SHANK2: variants seen among roughly 807,000 people sequenced by gnomAD.
SHANK2 encodes SH3 and multiple ankyrin repeat domains 2.
Under a neutral mutation model 133.7 loss-of-function variants are expected in SHANK2, and 43 were observed. The ratio of observed to expected loss-of-function variants is 0.32; its 90% CI spans 0.25 to 0.41. The LOEUF is 0.41. Among genes scored for constraint, SHANK2 ranks in the 10% least tolerant of loss-of-function variants. The pLI is 1.00. For synonymous variants in SHANK2, 1,017 were observed against 952.8 expected, an observed-to-expected ratio of 1.07 and a Z score of -1.24; for missense variants, 1,994 against 2,235.8, an observed-to-expected ratio of 0.89 and a Z score of 2.18.
At chr11:70,955,458 T>TGTGTGTGTGTGTGA (rs1950907260) in intron 10 of SHANK2, among the ~76,000 whole-genome samples, 2 of 139,490 alleles carry the variant, frequency 1.4e-5, no homozygotes, top group African/African-American at 5.0e-5. Flanking sequence ...TGTGTGTGTG[T>TGTGTGTGTGTGTGA]GTGAATGTAC....
At chr11:70,641,945 C>T (rs953543454) in intron 17 of SHANK2, among the ~76,000 whole-genome samples, 1 of 152,208 alleles carries the variant, frequency 6.6e-6, no homozygotes, top group Admixed American at 6.5e-5. Context: ...GCAAGGGTTG[C>T]ACTAGGCAAT....
chr11:71,186,026 T>C (rs1369995494), intron 2 of SHANK2, among the ~76,000 whole-genome samples: 2 of 152,182 alleles, frequency 1.3e-5, no homozygotes, highest in African/African-American at 4.8e-5. Flanking sequence ...GGGTCTAGCA[T>C]TCTCTGCCTT....
chr11:71,132,743 A>T (rs1451891534), intron 3 of SHANK2, among the ~76,000 whole-genome samples: 1 of 152,222 alleles, frequency 6.6e-6, no homozygotes, highest in Non-Finnish European at 1.5e-5. Flanking sequence ...GACGTGAATA[A>T]TAACCAATAT....
intron 17 of SHANK2, among the ~76,000 whole-genome samples, chr11:70,631,408 A>ACACCCC (rs1555002113): frequency 4.0e-5 from 6 of 148,800 alleles, no homozygotes; most frequent in Admixed American, 1.3e-4. Flanking sequence ...ACACACACAC[A>ACACCCC]CCCACACAAC....
At chr11:70,644,501 G>A (rs1463480194) in intron 17 of SHANK2, among the ~76,000 whole-genome samples, 2 of 152,234 alleles carry the variant, frequency 1.3e-5, no homozygotes, top group African/African-American at 4.8e-5. Context: ...TCCCAGGCTG[G>A]ATACCTCCAT....
chr11:70,932,380 C>T (rs879992754), intron 10 of SHANK2, among the ~76,000 whole-genome samples: 7 of 152,144 alleles, frequency 4.6e-5, no homozygotes, highest in Non-Finnish European at 8.8e-5. Context: ...GTCTTCAGAC[C>T]CCCTCCGCAG....
At chr11:70,842,691 C>T (rs1948925806) in intron 11 of SHANK2, among the ~76,000 whole-genome samples, 1 of 152,208 alleles carries the variant, frequency 6.6e-6, no homozygotes, top group African/African-American at 2.4e-5. Context: ...TCTCGTGCAG[C>T]TTAAATGGAA....
chr11:71,229,565 T>C (rs1954702110), intron 1 of SHANK2, among the ~76,000 whole-genome samples: 1 of 152,038 alleles, frequency 6.6e-6, no homozygotes, highest in Non-Finnish European at 1.5e-5. Flanking sequence ...GGTCAGTAGA[T>C]AGAGACCATC....
At chr11:70,493,721 C>T (rs2058930255) in intron 21 of SHANK2, among the ~76,000 whole-genome samples, 1 of 152,158 alleles carries the variant, frequency 6.6e-6, no homozygotes, top group African/African-American at 2.4e-5. Flanking sequence ...GGGTGTACCC[C>T]ATTCTGAGCC....
In SHANK2 at chr11:71,112,987, G is replaced by A. The variant is rs544724505; in HGVS notation, c.483+306C>T. On this transcript the variant is annotated intron_variant, in intron 5 of 25. Coordinates refer to ENST00000601538, the MANE Select transcript of SHANK2 (RefSeq NM_012309.5). ...CTGTGGACCCGCTTCCCTCCACCAC[G>A]CCAGGCGTCCAGATCCCACTCTCTT... 3.9e-5 allele frequency among the ~76,000 whole-genome samples: 6 copies of A among 152,260 alleles called. No individual in the cohort carries two copies. In the East Asian group the frequency reaches 1.2e-3, roughly 29 times the overall value.
At chr11:70,809,407 C>A (rs1282738914) in intron 12 of SHANK2, among the ~76,000 whole-genome samples, 10 of 152,206 alleles carry the variant, frequency 6.6e-5, no homozygotes, top group Admixed American at 5.9e-4. Flanking sequence ...GATGTGACTA[C>A]CCTCTTTTGG....
At chr11:70,954,474 T>G (rs1283887529) in intron 10 of SHANK2, among the ~76,000 whole-genome samples, 1 of 152,186 alleles carries the variant, frequency 6.6e-6, no homozygotes, top group African/African-American at 2.4e-5. Flanking sequence ...TCTGGCTAAA[T>G]TGCTAAATGT....
intron 14 of SHANK2, among the ~76,000 whole-genome samples, chr11:70,713,603 G>A (rs1945842923): frequency 6.6e-6 from 1 of 152,192 alleles, no homozygotes. Flanking sequence ...AGGGTGAGGT[G>A]TCAGCCTCCA....
chr11:70,877,963 G>A (rs1949595927), intron 11 of SHANK2, among the ~76,000 whole-genome samples: 1 of 152,354 alleles, frequency 6.6e-6, no homozygotes, highest in Admixed American at 6.5e-5. Context: ...CTGGGGAAAA[G>A]AGAAGACGTT....
chr11:70,737,213 G>A (rs1262516744), intron 14 of SHANK2, among the ~76,000 whole-genome samples: 3 of 152,190 alleles, frequency 2.0e-5, no homozygotes, highest in African/African-American at 7.2e-5. Context: ...GCTTCTGGGT[G>A]CAGCTGCATT....
intron 2 of SHANK2, among the ~76,000 whole-genome samples, chr11:71,220,871 A>G (rs567517665): frequency 2.5e-4 from 38 of 152,124 alleles, no homozygotes; most frequent in Non-Finnish European, 4.7e-4. Context: ...CAGCCACATA[A>G]ATGTGCTTAA....
At chr11:70,891,546 C>T (rs1182502717) in intron 11 of SHANK2, among the ~76,000 whole-genome samples, 1 of 152,136 alleles carries the variant, frequency 6.6e-6, no homozygotes, top group Non-Finnish European at 1.5e-5. Context: ...TTTACTATCT[C>T]ATAGTTCTGA....
At chr11:70,840,721 G>C (rs1398698959) in intron 11 of SHANK2, among the ~76,000 whole-genome samples, 6 of 152,298 alleles carry the variant, frequency 3.9e-5, no homozygotes, top group African/African-American at 1.2e-4. Flanking sequence ...CCTGGGGAGG[G>C]CTGGGGGGCC....
chr11:71,240,078 G>C, intron 1 of SHANK2, among the ~76,000 whole-genome samples: 1 of 152,144 alleles, frequency 6.6e-6, no homozygotes, highest in Non-Finnish European at 1.5e-5. Flanking sequence ...CTCGTTCTTC[G>C]GGAGAATGAA....
Sources: allele counts gnomAD v4.1 joint callset (sites outside exome capture counted in the v4.1 genomes callset), GRCh38; gene constraint gnomAD v4.1.1; transcripts MANE v1.5; gene names NCBI Gene and HGNC (gene_info 2026-07-23, HGNC 2026-07-21).